PARP11: variants seen among roughly 807,000 people sequenced by gnomAD.
PARP11 encodes poly(ADP-ribose) polymerase family member 11.
In PARP11, 31 loss-of-function variants were observed where a neutral mutation model predicts 42.9. The observed-to-expected ratio is 0.72, with a 90% CI of 0.54 to 0.98. The LOEUF is 0.98. PARP11 is among the 50% of genes least tolerant of loss of function. The probability of loss-of-function intolerance (pLI) is 0.00; values close to 1 mark genes in which losing one functional copy is unlikely to be tolerated. For synonymous variants in PARP11, 137 were observed against 127.3 expected (o/e 1.08, Z -0.51); for missense variants, 365 against 413.1 (o/e 0.88, Z 1.01).
intron 1 of PARP11, 55 bp from the exon 2 acceptor site, chr12:3,830,073 C>T: frequency 6.5e-7 from 1 of 1,527,006 alleles, no homozygotes; most frequent in Non-Finnish European, 9.0e-7. Flanking sequence ...AACAAGTATA[C>T]TTTTTACAGA....
At chr12:3,835,109 T>C (rs1947730048) in intron 1 of PARP11, among the ~76,000 whole-genome samples, 1 of 152,132 alleles carries the variant, frequency 6.6e-6, no homozygotes, top group Non-Finnish European at 1.5e-5. Flanking sequence ...TTCTAGCACC[T>C]GGCTAAATGC....
intron 1 of PARP11, among the ~76,000 whole-genome samples, chr12:3,855,811 T>G (rs574980125): frequency 6.6e-6 from 1 of 152,334 alleles, no homozygotes; most frequent in Admixed American, 6.5e-5. Flanking sequence ...AGAGCCCACA[T>G]TGCCAAGACA....
intron 3 of PARP11, among the ~76,000 whole-genome samples, chr12:3,826,880 C>T (rs1445329623): frequency 6.6e-6 from 1 of 152,204 alleles, no homozygotes; most frequent in African/African-American, 2.4e-5. Context: ...AGGTCCATTT[C>T]TTCATTCCTC....
rs1349904476 is a variant in PARP11, at chr12:3,829,024, T to C, written c.154A>G (p.Thr52Ala). The change falls in exon 3 of 8, where the codon ACC (threonine) becomes GCC (alanine). Residue 52 changes from threonine (T) to alanine (A), a missense_variant. Coordinates refer to ENST00000228820, the MANE Select transcript of PARP11 (RefSeq NM_020367.6). ...CTGCTAACTGAACACTGACTGTTGG[T>C]ATCCGGCTTTAAGACAAACCAGAAA... ...CGKWHMFQPDTNSQCSVSSED... is the reference protein window; with the variant it reads ...CGKWHMFQPDANSQCSVSSED... The C allele has an allele frequency of 1.2e-6, 2 of 1,613,982 alleles. No homozygotes were observed. Among genetic ancestry groups the C allele is most frequent in the Non-Finnish European group, 8.5e-7 (1 of 1,179,898 alleles).
intron 1 of PARP11, among the ~76,000 whole-genome samples, chr12:3,831,263 C>T (rs1947633136): frequency 6.6e-6 from 1 of 151,912 alleles, no homozygotes; most frequent in South Asian, 2.1e-4. Context: ...CTCTCTCTCA[C>T]TCTGTTTGTG....
intron 1 of PARP11, among the ~76,000 whole-genome samples, chr12:3,835,164 C>A (rs184773051): frequency 2.1e-3 from 327 of 152,258 alleles, no homozygotes; most frequent in Middle Eastern, 6.8e-3. Context: ...ATAGCAGCCA[C>A]CAAGCCACAC....
At chr12:3,853,304 T>C (rs1461873392) in intron 1 of PARP11, among the ~76,000 whole-genome samples, 1 of 152,192 alleles carries the variant, frequency 6.6e-6, no homozygotes, top group Non-Finnish European at 1.5e-5. Flanking sequence ...TAAATATAAA[T>C]GAGCTAAATA....
chr12:3,815,412 A>C (rs886182917), intron 6 of PARP11, among the ~76,000 whole-genome samples: 1 of 152,190 alleles, frequency 6.6e-6, no homozygotes, highest in African/African-American at 2.4e-5. Flanking sequence ...TAACAACTCA[A>C]ATCACTCTTA....
In PARP11 at chr12:3,812,077, C is replaced by CA; in HGVS notation, c.*45dup. The CA allele has an allele frequency of 7.0e-7, 1 of 1,425,204 alleles. No individual in the cohort carries two copies. The highest frequency in any genetic ancestry group is 9.5e-7 in the Non-Finnish European group (1 of 1,048,658). The allele number at this position is 1,425,204 out of a possible 1,614,324, so 88.3% of individuals were successfully genotyped here. A position where few individuals can be genotyped will look rare whatever the true frequency, so the allele number is the denominator to read the frequency against. Reference sequence around the variant, plus strand: ...GATGACTGAAGAGCAAACCTTCCTGCAAAAAAGAATAAAGCTTCCTTGACC... The same window carrying CA: ...GATGACTGAAGAGCAAACCTTCCTGCAAAAAAAGAATAAAGCTTCCTTGACC... On this transcript the variant is annotated 3_prime_UTR_variant, in exon 8 of 8. Coordinates refer to ENST00000228820, the MANE Select transcript of PARP11 (RefSeq NM_020367.6).
Position 3,873,254 on chromosome 12 carries a change from G to C in PARP11, c.-25C>G. 6.5e-7 allele frequency: 1 copy of C among 1,550,224 alleles called. No homozygotes were observed. Among genetic ancestry groups the C allele is most frequent in the Non-Finnish European group, 8.7e-7 (1 of 1,146,470 alleles). ...TAACGGTGACAAAATCGAGCGGAGA[G>C]AGCCTGTGGGAAGGGGCTAGCCGCG... is the stretch of plus-strand genomic sequence containing the variant. On this transcript the variant is annotated 5_prime_UTR_variant, in exon 1 of 8. Coordinates refer to ENST00000228820, the MANE Select transcript of PARP11 (RefSeq NM_020367.6).
At chr12:3,860,661 A>C (rs1214192065) in intron 1 of PARP11, among the ~76,000 whole-genome samples, 2 of 151,874 alleles carry the variant, frequency 1.3e-5, no homozygotes, top group African/African-American at 4.8e-5. Flanking sequence ...ATATTTTTTA[A>C]CTTTTTAATT....
intron 1 of PARP11, among the ~76,000 whole-genome samples, chr12:3,834,065 G>A (rs1206042114): frequency 6.6e-6 from 1 of 152,178 alleles, no homozygotes; most frequent in Non-Finnish European, 1.5e-5. Flanking sequence ...GGCCCTGACT[G>A]CCACCGCCCC....
rs544505197 is a variant in PARP11, at chr12:3,852,096, A to G, written c.18+21116T>C. On this transcript the variant is annotated intron_variant, in intron 1 of 7. Coordinates refer to ENST00000228820, the MANE Select transcript of PARP11 (RefSeq NM_020367.6). ...AGAAAGGAATAGCATCAACACCAAC[A>G]AAAAGGATATTCACACCAAAACCCC... 6.2e-4 allele frequency among the ~76,000 whole-genome samples: 95 copies of G among 152,344 alleles called. 3 individuals are homozygous for G. The South Asian group carries it at 0.019, about 31-fold the overall frequency.
intron 1 of PARP11, among the ~76,000 whole-genome samples, chr12:3,837,064 A>G (rs1409488571): frequency 5.3e-5 from 8 of 152,208 alleles, no homozygotes; most frequent in African/African-American, 1.7e-4. Flanking sequence ...TAGGACTACA[A>G]TCCCTAACCC....
chr12:3,826,093 GT>G, intron 4 of PARP11, 64 bp downstream of exon 4: 1 of 884,838 alleles, frequency 1.1e-6, no homozygotes, highest in South Asian at 1.8e-5. Flanking sequence ...CAGTCTATTT[GT>G]TTTTCTGTCC....
intron 6 of PARP11, among the ~76,000 whole-genome samples, chr12:3,819,744 T>C (rs1404702853): frequency 6.6e-6 from 1 of 152,196 alleles, no homozygotes; most frequent in African/African-American, 2.4e-5. Flanking sequence ...CCGCTAACTC[T>C]CTGACTTCCA....
In PARP11 at chr12:3,872,629, AC is replaced by A. The variant is rs1948509131; in HGVS notation, c.18+582del. The A allele has an allele frequency of 1.1e-5, 11 of 985,272 alleles. No homozygotes were observed. The South Asian group carries it at 5.2e-4, about 46-fold the overall frequency. 61.0% of individuals were successfully genotyped at this position (985,272 alleles called of 1,614,324 possible). A position where few individuals can be genotyped will look rare whatever the true frequency, so the allele number is the denominator to read the frequency against. On this transcript the variant is annotated intron_variant, in intron 1 of 7. Transcript: ENST00000228820. Reference sequence around the variant, plus strand: ...TACTCCAAGTTTTAAACGACTGTCCACCAAGAAGGGAAAAGGAGAACTGATG... The same window carrying A: ...TACTCCAAGTTTTAAACGACTGTCCACAAGAAGGGAAAAGGAGAACTGATG...
chr12:3,846,480 G>A (rs1381546407), intron 1 of PARP11, among the ~76,000 whole-genome samples: 4 of 152,128 alleles, frequency 2.6e-5, no homozygotes, highest in African/African-American at 9.7e-5. Context: ...ACTTGGATTG[G>A]GCGCAGTAGC....
In PARP11 at chr12:3,840,671, G is replaced by T; in HGVS notation, c.19-10653C>A. ...CCAGAGAAAATCATCACACGTAAGT[G>T]ATAGAAAAGGAAGCAGGCGGAGAAT... On this transcript the variant is annotated intron_variant, in intron 1 of 7. Transcript: ENST00000228820. This position sits in a 1 kb window ranked among gnomAD's most constrained non-coding sequence, Gnocchi z 4.4. 1 of 1,201,058 alleles carries T rather than the reference G, an allele frequency of 8.3e-7. No individual in the cohort carries two copies. Among genetic ancestry groups the T allele is most frequent in the Non-Finnish European group, 1.2e-6 (1 of 802,748 alleles). 74.4% of individuals were successfully genotyped at this position (1,201,058 alleles called of 1,614,324 possible).
Sources: gnomAD v4.1 joint callset for allele counts (sites outside exome capture counted in the v4.1 genomes callset) on GRCh38, gnomAD v4.1.1 for gene constraint, Gnocchi (gnomAD v3.1) non-coding constraint, MANE v1.5 for transcripts, NCBI Gene and HGNC (gene_info 2026-07-23, HGNC 2026-07-21) for gene names.